NCKAP5: variants seen among roughly 807,000 people sequenced by gnomAD.
The protein encoded by NCKAP5 is NCK associated protein 5.
NCKAP5 carries 92 observed loss-of-function variants against 167.0 expected under a neutral mutation model. The observed-to-expected ratio is 0.55, with a 90% CI of 0.47 to 0.66. The LOEUF (loss-of-function observed/expected upper bound fraction) is 0.66. Among genes scored for constraint, NCKAP5 ranks in the 30% least tolerant of loss-of-function variants. The probability of loss-of-function intolerance (pLI) is 0.00; values close to 1 mark genes in which losing one functional copy is unlikely to be tolerated. For missense variants in NCKAP5, 2,378 were observed against 2,315.0 expected (o/e 1.03, Z -0.56); for synonymous variants, 891 against 877.4 (o/e 1.02, Z -0.27).
chr2:133,296,948 G>T (rs772528927), intron 4 of NCKAP5, among the ~76,000 whole-genome samples: 1 of 152,070 alleles, frequency 6.6e-6, no homozygotes. Context: ...ATATGAGGCC[G>T]CAAATGGATA....
chr2:133,130,579 A>T (rs1026504845), intron 5 of NCKAP5, among the ~76,000 whole-genome samples: 16 of 152,244 alleles, frequency 1.1e-4, no homozygotes, highest in African/African-American at 3.9e-4. Context: ...TGTGAAGCTG[A>T]TGAGGGTGAG....
rs1254729452 is a variant in NCKAP5, at chr2:133,130,026, G to C, written c.293C>G (p.Ser98Cys). The part of the protein sequence containing the change: ...EKRLQEVTLE[S>C]ERNRIQMRSL... ...ACGCATCTGAATTCTGTTGCGTTCAGACTCTAGGGTCACCTCCTGCAACCG... is the reference window on the plus strand; with the variant it reads ...ACGCATCTGAATTCTGTTGCGTTCACACTCTAGGGTCACCTCCTGCAACCG... Residue 98 changes from serine (S) to cysteine (C), a missense_variant, in exon 6 of 20, where the codon TCT (serine) becomes TGT (cysteine). Physicochemically the swap from Ser to Cys is moderately radical, Grantham distance 112 (BLOSUM62 -1). This residue lies in a region of NCKAP5 where 1,049 missense variants were observed against 1,023.4 expected (regional missense o/e 1.02). Coordinates refer to ENST00000409261, the MANE Select transcript of NCKAP5 (RefSeq NM_207363.3). The C allele has an allele frequency of 6.2e-7, 1 of 1,611,526 alleles. No individual in the cohort carries two copies. Among genetic ancestry groups the C allele is most frequent in the African/African-American group, 1.3e-5 (1 of 74,970 alleles).
chr2:133,123,530 G>A (rs1272962495), intron 6 of NCKAP5: 4 of 258,122 alleles, frequency 1.5e-5, no homozygotes, highest in Non-Finnish European at 3.2e-5. Context: ...TTCACACAGA[G>A]CAGCAGATGA....
At chr2:132,802,131 A>G (rs2105207764) in intron 11 of NCKAP5, among the ~76,000 whole-genome samples, 1 of 152,286 alleles carries the variant, frequency 6.6e-6, no homozygotes. Flanking sequence ...TTAACCGTTC[A>G]GCACCTGATC....
At chr2:133,340,271 A>C (rs1465332344) in intron 3 of NCKAP5, among the ~76,000 whole-genome samples, 1 of 152,164 alleles carries the variant, frequency 6.6e-6, no homozygotes, top group Non-Finnish European at 1.5e-5. Flanking sequence ...ATTGAGGATA[A>C]TAAATTCTAG....
chr2:133,418,071 C>G (rs1404306146), intron 3 of NCKAP5, among the ~76,000 whole-genome samples: 1 of 152,092 alleles, frequency 6.6e-6, no homozygotes, highest in African/African-American at 2.4e-5. Context: ...ATGTTGAGAC[C>G]CACTTCACTT....
the NCKAP5 span, among the ~76,000 whole-genome samples, chr2:133,622,183 G>A: frequency 1.3e-5 from 2 of 152,126 alleles, no homozygotes; most frequent in African/African-American, 4.8e-5. Flanking sequence ...ACATTATACT[G>A]AATGGGGAAA....
intron 11 of NCKAP5, among the ~76,000 whole-genome samples, chr2:132,817,445 T>TA (rs11307595): frequency 3.3e-4 from 50 of 150,754 alleles, no homozygotes; most frequent in Admixed American, 5.3e-4. Context: ...TTACAAGAAA[T>TA]AAAAAAAAAA....
intron 8 of NCKAP5, among the ~76,000 whole-genome samples, chr2:132,926,538 T>TGTATTTG (rs1312588372): frequency 1.3e-5 from 2 of 152,176 alleles, no homozygotes; most frequent in Admixed American, 1.3e-4. Context: ...CATTTGTTTT[T>TGTATTTG]GTTTTTGGTT....
At chr2:132,998,294 C>G (rs112538117) in intron 6 of NCKAP5, among the ~76,000 whole-genome samples, 1 of 152,152 alleles carries the variant, frequency 6.6e-6, no homozygotes, top group African/African-American at 2.4e-5. Context: ...TTCACCTTTC[C>G]CCCATTTTTC....
intron 4 of NCKAP5, among the ~76,000 whole-genome samples, chr2:133,259,224 C>T (rs1043746387): frequency 5.3e-5 from 8 of 152,196 alleles, no homozygotes; most frequent in Admixed American, 1.3e-4. Flanking sequence ...ACTTTATCTT[C>T]CAATCTCCCA....
intron 8 of NCKAP5, among the ~76,000 whole-genome samples, chr2:132,920,067 A>C (rs1407380573): frequency 3.3e-5 from 5 of 151,952 alleles, no homozygotes; most frequent in Non-Finnish European, 7.4e-5. Context: ...GCATACCTAC[A>C]TTGCCCAGCT....
intron 1 of NCKAP5, among the ~76,000 whole-genome samples, chr2:133,567,961 T>C (rs914589627): frequency 6.6e-6 from 1 of 152,112 alleles, no homozygotes; most frequent in Non-Finnish European, 1.5e-5. Context: ...CAGAGGCAAA[T>C]GAGGATTAGC....
intron 6 of NCKAP5, among the ~76,000 whole-genome samples, chr2:133,126,866 A>G (rs1003410669): frequency 1.3e-5 from 2 of 152,152 alleles, no homozygotes; most frequent in African/African-American, 4.8e-5. Flanking sequence ...TTCTCCTTTC[A>G]TGACCTTTAT....
chr2:132,799,054 T>C (rs920678831), intron 11 of NCKAP5, among the ~76,000 whole-genome samples: 1 of 152,000 alleles, frequency 6.6e-6, no homozygotes, highest in Non-Finnish European at 1.5e-5. Context: ...ATATATACCA[T>C]AGAATACAGC....
At chr2:133,317,713 C>A (rs1384139903) in intron 3 of NCKAP5, among the ~76,000 whole-genome samples, 1 of 152,178 alleles carries the variant, frequency 6.6e-6, no homozygotes, top group Non-Finnish European at 1.5e-5. Context: ...CACAAAGAGG[C>A]CAACTCTATA....
At chr2:133,595,137 A>T in the NCKAP5 span, among the ~76,000 whole-genome samples, 1 of 152,190 alleles carries the variant, frequency 6.6e-6, no homozygotes, top group African/African-American at 2.4e-5. Flanking sequence ...ATATAGTAGC[A>T]AGAAAGGGCA....
At chr2:133,392,128 A>C (rs770168049) in intron 3 of NCKAP5, among the ~76,000 whole-genome samples, 9 of 152,232 alleles carry the variant, frequency 5.9e-5, no homozygotes, top group Non-Finnish European at 1.3e-4. Flanking sequence ...TATGGGCTGC[A>C]TATGGACACT....
intron 4 of NCKAP5, among the ~76,000 whole-genome samples, chr2:133,271,426 T>C (rs1399384143): frequency 2.6e-5 from 4 of 152,104 alleles, no homozygotes; most frequent in East Asian, 1.9e-4. Flanking sequence ...TCTCCTTATG[T>C]GATGCTGTAT....
Sources: gnomAD v4.1 joint callset for allele counts (sites outside exome capture counted in the v4.1 genomes callset) on GRCh38, gnomAD v4.1.1 for gene constraint, gnomAD v4.1.1 regional missense constraint, MANE v1.5 for transcripts, NCBI Gene and HGNC (gene_info 2026-07-23, HGNC 2026-07-21) for gene names.